Variants in SPTBN4 observed in about 807,000 individuals in gnomAD.
SPTBN4 encodes spectrin beta, non-erythrocytic 4.
Under a neutral mutation model 277.8 loss-of-function variants are expected in SPTBN4, and 96 were observed. The observed-to-expected ratio is 0.35, with a 90% CI of 0.29 to 0.41. SPTBN4 has a LOEUF of 0.41. Among genes scored for constraint, SPTBN4 ranks in the 10% least tolerant of loss-of-function variants. SPTBN4 has a pLI of 1.00. For synonymous variants in SPTBN4, 1,481 were observed against 1,580.3 expected (o/e 0.94, Z 1.49); for missense variants, 3,006 against 3,595.7 (o/e 0.84, Z 4.19).
chr19:40,522,348 ATTTT>A (rs567161952), intron 16 of SPTBN4, among the ~76,000 whole-genome samples: 39 of 117,694 alleles, frequency 3.3e-4, no homozygotes, highest in East Asian at 5.2e-4. Flanking sequence ...ATAGTAACCA[ATTTT>A]TTTTTTTTTT....
At chr19:40,547,031 A>G in intron 20 of SPTBN4, among the ~76,000 whole-genome samples, 1 of 118,786 alleles carries the variant, frequency 8.4e-6, no homozygotes, top group South Asian at 2.3e-4. Context: ...GTATTTTTTA[A>G]TTATTTTTTT....
Position 40,534,661 on chromosome 19 carries a change from G to A in SPTBN4, c.4359+318G>A, listed in dbSNP as rs1045223011. On this transcript the variant is annotated intron_variant, in intron 20 of 35. Transcript: ENST00000598249. ...CTGGATGGAGAAACCAAGGCTCAGG[G>A]GTATGGGAATGGCTTTGCATGGAAT... The A allele has an allele frequency of 8.4e-6, 3 of 357,958 alleles. No homozygotes were observed. In the East Asian group the frequency reaches 1.7e-4, roughly 20 times the overall value. 22.2% of individuals were successfully genotyped at this position (357,958 alleles called of 1,614,324 possible).
intron 5 of SPTBN4, among the ~76,000 whole-genome samples, chr19:40,494,456 T>C (rs1403500774): frequency 1.1e-4 from 17 of 151,766 alleles, no homozygotes; most frequent in Non-Finnish European, 5.9e-5. Flanking sequence ...CTCTCTTCTT[T>C]CTTTTGCTTC....
intron 17 of SPTBN4, 51 bp from the exon 18 acceptor site, chr19:40,528,990 C>T: frequency 1.4e-6 from 2 of 1,478,092 alleles, no homozygotes; most frequent in South Asian, 1.1e-5. Flanking sequence ...CTGCCAGCGC[C>T]GCACCCCCCA....
intron 1 of SPTBN4, among the ~76,000 whole-genome samples, chr19:40,468,785 A>G (rs1424807661): frequency 6.6e-6 from 1 of 152,140 alleles, no homozygotes; most frequent in African/African-American, 2.4e-5. Context: ...TCACTTTTCC[A>G]TGGAAGGAGG....
chr19:40,567,154 C>T (rs995548572), intron 30 of SPTBN4: 3 of 454,472 alleles, frequency 6.6e-6, no homozygotes, highest in African/African-American at 2.0e-5. Context: ...AACAGCCAGG[C>T]GTGATGGCAC....
chr19:40,471,724 C>T (rs2079885909), intron 1 of SPTBN4, among the ~76,000 whole-genome samples: 1 of 152,062 alleles, frequency 6.6e-6, no homozygotes, highest in African/African-American at 2.4e-5. Flanking sequence ...GGGTGGCAAC[C>T]ACCACATTTG....
At chr19:40,497,386 G>T in intron 6 of SPTBN4, 103 bp from the exon 7 acceptor site, 1 of 811,908 alleles carries the variant, frequency 1.2e-6, no homozygotes, top group Non-Finnish European at 2.1e-6. Context: ...GTGCCCTTCT[G>T]CCCATTGCCC....
intron 20 of SPTBN4, among the ~76,000 whole-genome samples, chr19:40,538,869 G>A (rs1326476302): frequency 6.6e-6 from 1 of 151,208 alleles, no homozygotes; most frequent in Non-Finnish European, 1.5e-5. Flanking sequence ...GGATTACAGG[G>A]GTGAAGCACT....
chr19:40,489,228 A>AGAAAG (rs1555810980), intron 3 of SPTBN4, among the ~76,000 whole-genome samples: 1 of 141,650 alleles, frequency 7.1e-6, no homozygotes, highest in African/African-American at 2.8e-5. Context: ...AAAAAAAAAA[A>AGAAAG]AAAGAAAGAA....
At position 40,566,323 on chromosome 19, in the gene SPTBN4, G is replaced by A; in HGVS notation, c.6300G>A (p.Trp2100Ter). 6.3e-7 allele frequency: 1 copy of A among 1,591,188 alleles called. No homozygotes were observed. Among genetic ancestry groups the A allele is most frequent in the Admixed American group, 1.7e-5 (1 of 57,276 alleles). The change falls in exon 30 of 36, where the codon TGG (tryptophan) becomes TGA (stop). Residue 2100 changes from tryptophan to a stop codon, truncating the protein, a stop_gained. Coordinates refer to ENST00000598249, the MANE Select transcript of SPTBN4 (RefSeq NM_020971.3). LOFTEE classifies it high-confidence loss of function. Reference protein sequence around the residue: ...HEAFRKAAAAWEERFSSLRRL... With the variant: ...HEAFRKAAAA ...CCTTCCGCAAAGCGGCTGCAGCCTG[G>A]GAAGAGAGGTTCAGCTCTCTGCGGC...
chr19:40,518,551 G>A (rs893060748), intron 15 of SPTBN4, among the ~76,000 whole-genome samples: 1 of 151,744 alleles, frequency 6.6e-6, no homozygotes, highest in African/African-American at 2.4e-5. Context: ...TCCCATCTCA[G>A]CCTCCCAAGT....
At chr19:40,527,859 C>T (rs942510294) in intron 17 of SPTBN4, among the ~76,000 whole-genome samples, 4 of 152,094 alleles carry the variant, frequency 2.6e-5, no homozygotes, top group African/African-American at 4.8e-5. Context: ...AGTTCGAGAC[C>T]AGCCTGGCCA....
intron 20 of SPTBN4, among the ~76,000 whole-genome samples, chr19:40,540,018 C>T (rs1459633712): frequency 6.6e-6 from 1 of 151,832 alleles, no homozygotes; most frequent in Non-Finnish European, 1.5e-5. Context: ...CCTCTGCCTC[C>T]TGGGTTCAAG....
intron 16 of SPTBN4, among the ~76,000 whole-genome samples, chr19:40,521,352 A>G (rs933296892): frequency 4.6e-5 from 7 of 152,174 alleles, no homozygotes; most frequent in South Asian, 2.1e-4. Flanking sequence ...CTTTATTTCT[A>G]TTGTTATTAC....
intron 12 of SPTBN4, among the ~76,000 whole-genome samples, chr19:40,505,900 A>G (rs938112493): frequency 2.0e-5 from 3 of 152,212 alleles, no homozygotes; most frequent in Non-Finnish European, 4.4e-5. Context: ...AGAGTGAGCC[A>G]CTGTGACAGA....
chr19:40,524,596 C>T lies in SPTBN4; in HGVS notation c.3857+957C>T, dbSNP rs760885367. The T allele has an allele frequency of 1.1e-5, 5 of 456,612 alleles. 1 individual carries two copies. The East Asian group carries it at 2.1e-4, about 19-fold the overall frequency. The allele number at this position is 456,612 out of a possible 1,614,324, so 28.3% of individuals were successfully genotyped here. On this transcript the variant is annotated intron_variant, in intron 17 of 35. Coordinates refer to ENST00000598249, the MANE Select transcript of SPTBN4 (RefSeq NM_020971.3). ...GCACCCTCCTTGGGAACCCCCAGAC[C>T]TCCCCAGATCCAGCAGCTAGAGGCC...
intron 35 of SPTBN4, 153 bp downstream of exon 35, chr19:40,572,533 A>C: frequency 1.0e-6 from 1 of 954,970 alleles, no homozygotes; most frequent in Non-Finnish European, 1.6e-6. Flanking sequence ...CTGAGAGCCC[A>C]AAGGAGGTTC....
chr19:40,506,210 G>A, intron 12 of SPTBN4, 26 bp from the exon 13 acceptor site: 2 of 1,593,678 alleles, frequency 1.3e-6, no homozygotes, highest in South Asian at 1.1e-5. Flanking sequence ...TGCCAGAGGT[G>A]TGCTCAGTGC....
Sources: allele counts gnomAD v4.1 joint callset (sites outside exome capture counted in the v4.1 genomes callset), GRCh38; gene constraint gnomAD v4.1.1; transcripts MANE v1.5; gene names NCBI Gene and HGNC (gene_info 2026-07-23, HGNC 2026-07-21).